The following TBCK variants were observed in gnomAD, a reference collection of about 807,000 sequenced individuals.
The protein encoded by TBCK is TBC domain-containing protein kinase-like protein.
TBCK carries 99 observed loss-of-function variants against 113.4 expected under a neutral mutation model. The observed-to-expected ratio is 0.87, with a 90% confidence interval of 0.74 to 1.03. The LOEUF is 1.03. TBCK is among the 50% of genes least tolerant of loss of function. The pLI is 0.00. For missense variants in TBCK, 1,045 were observed against 1,061.3 expected (o/e 0.98, Z 0.21); for synonymous variants, 369 against 370.8 (o/e 1.00, Z 0.05).
At chr4:106,228,223 T>C (rs1758450224) in intron 19 of TBCK, among the ~76,000 whole-genome samples, 1 of 152,064 alleles carries the variant, frequency 6.6e-6, no homozygotes, top group African/African-American at 2.4e-5. Context: ...TATTTTTCTT[T>C]TGTGTTAAAA....
At chr4:106,260,914 T>G (rs1471388186) in intron 4 of TBCK, among the ~76,000 whole-genome samples, 1 of 151,990 alleles carries the variant, frequency 6.6e-6, no homozygotes, top group Non-Finnish European at 1.5e-5. Context: ...GAAAGTCCAT[T>G]TATAGTTATA....
chr4:106,230,000 TCTG>T (rs1758680419), intron 19 of TBCK, among the ~76,000 whole-genome samples: 1 of 152,006 alleles, frequency 6.6e-6, no homozygotes, highest in South Asian at 2.1e-4. Context: ...TTTTTAATAC[TCTG>T]CTTACACAAT....
At chr4:106,247,951 G>A in intron 9 of TBCK, 1 of 220,812 alleles carries the variant, frequency 4.5e-6, no homozygotes, top group Non-Finnish European at 8.8e-6. Context: ...TTATTATTGG[G>A]TCTAGGAATA....
intron 24 of TBCK, among the ~76,000 whole-genome samples, chr4:106,096,804 C>A (rs576529579): frequency 6.6e-6 from 1 of 152,182 alleles, no homozygotes; most frequent in Non-Finnish European, 1.5e-5. Flanking sequence ...TTAAGCTTTA[C>A]ATGTAAAATC....
At chr4:106,165,721 G>A (rs991166058) in intron 23 of TBCK, among the ~76,000 whole-genome samples, 7 of 151,712 alleles carry the variant, frequency 4.6e-5, no homozygotes, top group South Asian at 4.2e-4. Flanking sequence ...GGAGCTTTAC[G>A]TATATCATTA....
chr4:106,107,314 C>T (rs905253060), intron 24 of TBCK, among the ~76,000 whole-genome samples: 2 of 152,154 alleles, frequency 1.3e-5, no homozygotes, highest in Admixed American at 6.5e-5. Context: ...ACGTCTCCAC[C>T]CCAAACCAAC....
At chr4:106,260,587 T>C in intron 4 of TBCK, 77 bp from the exon 5 acceptor site, 1 of 467,394 alleles carries the variant, frequency 2.1e-6, no homozygotes, top group Non-Finnish European at 3.6e-6. Context: ...TATAAAATTA[T>C]CATTATACAT....
intron 3 of TBCK, among the ~76,000 whole-genome samples, chr4:106,270,156 T>G (rs1763346303): frequency 6.6e-6 from 1 of 152,188 alleles, no homozygotes; most frequent in Non-Finnish European, 1.5e-5. Context: ...ATATATTTTG[T>G]TATATCATAT....
At chr4:106,312,196 A>G (rs865842394) in intron 1 of TBCK, among the ~76,000 whole-genome samples, 1 of 152,154 alleles carries the variant, frequency 6.6e-6, no homozygotes, top group Non-Finnish European at 1.5e-5. Flanking sequence ...ATGTATATAT[A>G]TGACCTTTTA....
intron 23 of TBCK, among the ~76,000 whole-genome samples, chr4:106,131,918 C>G (rs1356341329): frequency 2.6e-5 from 4 of 152,124 alleles, no homozygotes; most frequent in Non-Finnish European, 5.9e-5. Flanking sequence ...TGAAAAGAGA[C>G]TGGCAGCATT....
chr4:106,309,253 A>C (rs1172465419), intron 1 of TBCK, among the ~76,000 whole-genome samples: 1 of 151,860 alleles, frequency 6.6e-6, no homozygotes, highest in Non-Finnish European at 1.5e-5. Flanking sequence ...GACAGTTTAA[A>C]GAGTAGAGGA....
Position 106,140,692 on chromosome 4 carries a change from T to G in TBCK, c.2236-24314A>C, listed in dbSNP as rs1442998726. ...TTGGCTGAAAAATTTTCAGTAAGGT[T>G]TCATTGTTTTTCAAGTCTAGTTAAA... On this transcript the variant is annotated intron_variant, in intron 23 of 25. Coordinates refer to ENST00000394708, the MANE Select transcript of TBCK (RefSeq NM_001163435.3). Among the ~76,000 whole-genome samples, 2 of 140,096 alleles carry G rather than the reference T, an allele frequency of 1.4e-5. 1 individual carries two copies. Among genetic ancestry groups the G allele is most frequent in the Non-Finnish European group, 3.2e-5 (2 of 61,954 alleles). The allele number at this position is 140,096 out of a possible 152,430, so 91.9% of individuals were successfully genotyped here.
At chr4:106,077,622 T>C (rs1457812526) in intron 25 of TBCK, among the ~76,000 whole-genome samples, 2 of 152,172 alleles carry the variant, frequency 1.3e-5, no homozygotes, top group African/African-American at 4.8e-5. Flanking sequence ...CTATTCTAAA[T>C]ATATACATAC....
At position 106,230,406 on chromosome 4, in the gene TBCK, G is replaced by A. The variant is rs962500324; in HGVS notation, c.1731C>T (p.Tyr577=). Residue 577 remains tyrosine (Y), a synonymous_variant, in exon 19 of 26, where the codon TAC becomes TAT. Coordinates refer to ENST00000394708, the MANE Select transcript of TBCK (RefSeq NM_001163435.3). ...TGTCTTTTAAGAAGAAGTTATACAG[G>A]TATTTGGGAATAAAAGCAGACATAC... is the stretch of plus-strand genomic sequence containing the variant. ...YACMSAFIPK[Y]LYNFFLKDNS... The A allele has an allele frequency of 6.2e-7, 1 of 1,602,936 alleles. No homozygotes were observed. Among genetic ancestry groups the A allele is most frequent in the East Asian group, 2.2e-5 (1 of 44,594 alleles).
At chr4:106,183,818 C>T (rs1056270258) in intron 22 of TBCK, among the ~76,000 whole-genome samples, 1 of 152,072 alleles carries the variant, frequency 6.6e-6, no homozygotes, top group African/African-American at 2.4e-5. Context: ...GTCCCACTTA[C>T]TGCAGTTTAG....
chr4:106,172,126 C>T (rs1751108202), intron 22 of TBCK, among the ~76,000 whole-genome samples: 1 of 152,014 alleles, frequency 6.6e-6, no homozygotes, highest in Admixed American at 6.6e-5. Flanking sequence ...TCCACCATGC[C>T]CAACTAGCAT....
rs925053322 is a variant in TBCK at position 106,139,693 on chromosome 4, T to C, written c.2236-23315A>G. On this transcript the variant is annotated intron_variant, in intron 23 of 25. Transcript: ENST00000394708. ...CAGCCAACCTTAAAACCAGAGATCATAGAGATGTACTTTGAGTTTGTAATA... is the reference window on the plus strand; with the variant it reads ...CAGCCAACCTTAAAACCAGAGATCACAGAGATGTACTTTGAGTTTGTAATA... 5.7e-5 allele frequency among the ~76,000 whole-genome samples: 8 copies of C among 141,544 alleles called. 3 individuals carry two copies. The highest frequency in any genetic ancestry group is 4.8e-4 in the South Asian group (2 of 4,174). The allele number at this position is 141,544 out of a possible 152,430, so 92.9% of individuals were successfully genotyped here.
At position 106,244,768 on chromosome 4, in the gene TBCK, T is replaced by A; in HGVS notation, c.932-4A>T. The stretch of plus-strand genomic sequence containing the variant: ...GCCAGGTAATCATTATTTATATCTA[T>A]TAAAAGCAAATTTAAGGAATCATTG... On this transcript the variant is annotated splice_region_variant and splice_polypyrimidine_tract_variant and intron_variant, in intron 10 of 25. Transcript: ENST00000394708. 1 of 1,538,558 alleles carries A rather than the reference T, an allele frequency of 6.5e-7. No homozygotes were observed. Among genetic ancestry groups the A allele is most frequent in the Non-Finnish European group, 8.9e-7 (1 of 1,127,568 alleles).
intron 19 of TBCK, among the ~76,000 whole-genome samples, chr4:106,222,907 A>G (rs766730309): frequency 2.0e-5 from 3 of 152,134 alleles, no homozygotes; most frequent in Non-Finnish European, 2.9e-5. Flanking sequence ...AGAGAAAAGT[A>G]ATCTTTAGAG....
Sources: gnomAD v4.1 joint callset for allele counts (sites outside exome capture counted in the v4.1 genomes callset) on GRCh38, gnomAD v4.1.1 for gene constraint, MANE v1.5 for transcripts, NCBI Gene and HGNC (gene_info 2026-07-23, HGNC 2026-07-21) for gene names.